GABRA5: variants seen among roughly 807,000 people sequenced by gnomAD.
The protein encoded by GABRA5 is gamma-aminobutyric acid type A receptor subunit alpha5.
GABRA5 carries 18 observed loss-of-function variants against 47.3 expected under a neutral mutation model. The observed-to-expected ratio is 0.38, with a 90% CI of 0.26 to 0.56. GABRA5 has a LOEUF of 0.56. Among genes scored for constraint, GABRA5 ranks in the 20% least tolerant of loss-of-function variants. GABRA5 has a pLI of 0.71. For synonymous variants in GABRA5, 237 were observed against 229.3 expected (o/e 1.03, Z -0.30); for missense variants, 365 against 599.3 (o/e 0.61, Z 4.08).
At chr15:26,891,256 A>C (rs978857478) in intron 6 of GABRA5, among the ~76,000 whole-genome samples, 1 of 152,236 alleles carries the variant, frequency 6.6e-6, no homozygotes, top group Non-Finnish European at 1.5e-5. Context: ...CAAAGGCTGC[A>C]GACATCCTCG....
At chr15:26,931,369 C>A (rs537743357) in intron 7 of GABRA5, among the ~76,000 whole-genome samples, 1 of 152,222 alleles carries the variant, frequency 6.6e-6, no homozygotes, top group South Asian at 2.1e-4. Context: ...TCACAGACGG[C>A]CATGTTCTCA....
Position 26,867,375 on chromosome 15 carries a change from G to C in GABRA5, c.-140+264G>C, listed in dbSNP as rs8041106. On this transcript the variant is annotated intron_variant, in intron 1 of 10. Coordinates refer to ENST00000335625, the MANE Select transcript of GABRA5 (RefSeq NM_000810.4). The surrounding 1 kb of genome is among the most constrained non-coding windows in gnomAD (Gnocchi z 5.9). ...CACCGACGGCTCGCCTCCCGGGGCC[G>C]GCGCGCAGGGTGAGCCCTGGGCGCG... 0.31 allele frequency: 47,000 copies of C among 151,500 alleles called. 8,899 individuals are homozygous for C. Among genetic ancestry groups the C allele is most frequent in the African/African-American group, 0.53 (21,897 of 41,372 alleles). 9.4% of individuals were successfully genotyped at this position (151,500 alleles called of 1,614,324 possible). A position where few individuals can be genotyped will look rare whatever the true frequency, so the allele number is the denominator to read the frequency against.
chr15:26,893,015 T>C (rs1749311056), intron 6 of GABRA5, among the ~76,000 whole-genome samples: 1 of 149,330 alleles, frequency 6.7e-6, no homozygotes, highest in African/African-American at 2.5e-5. Context: ...GTGTGTTGTG[T>C]TTATGGTGCG....
At chr15:26,888,989 C>T (rs1233951585) in intron 6 of GABRA5, among the ~76,000 whole-genome samples, 3 of 152,214 alleles carry the variant, frequency 2.0e-5, no homozygotes. Context: ...AGGTCACTTG[C>T]CCGTGCCTGT....
intron 7 of GABRA5, among the ~76,000 whole-genome samples, chr15:26,927,380 G>C (rs1482178443): frequency 6.6e-6 from 1 of 151,832 alleles, no homozygotes; most frequent in East Asian, 1.9e-4. Flanking sequence ...TCAAAGTGCT[G>C]GGATTACATG....
rs1243339334 is a variant in GABRA5, at chr15:26,867,376, G to T, written c.-140+265G>T. On this transcript the variant is annotated intron_variant, in intron 1 of 10. Transcript: ENST00000335625. This position sits in a 1 kb window ranked among gnomAD's most constrained non-coding sequence, Gnocchi z 5.9. ...ACCGACGGCTCGCCTCCCGGGGCCG[G>T]CGCGCAGGGTGAGCCCTGGGCGCGC... 3 of 151,702 alleles carry T rather than the reference G, an allele frequency of 2.0e-5. No homozygotes were observed. Among genetic ancestry groups the T allele is most frequent in the African/African-American group, 7.3e-5 (3 of 41,344 alleles). 9.4% of individuals were successfully genotyped at this position (151,702 alleles called of 1,614,324 possible).
intron 10 of GABRA5, among the ~76,000 whole-genome samples, chr15:26,945,307 C>G (rs943519134): frequency 6.6e-6 from 1 of 152,156 alleles, no homozygotes; most frequent in Non-Finnish European, 1.5e-5. Context: ...TCAGCCTACT[C>G]GAGTAAACTG....
intron 10 of GABRA5, 49 bp downstream of exon 10, chr15:26,943,475 G>C: frequency 6.8e-7 from 1 of 1,481,000 alleles, no homozygotes; most frequent in South Asian, 1.2e-5. Flanking sequence ...GACAGAGAAA[G>C]TGTGCCTGAT....
At chr15:26,889,445 T>G (rs1444452469) in intron 6 of GABRA5, among the ~76,000 whole-genome samples, 2 of 152,166 alleles carry the variant, frequency 1.3e-5, no homozygotes, top group Admixed American at 1.3e-4. Flanking sequence ...GCAGTCTGTT[T>G]CGTTCTTATT....
intron 7 of GABRA5, among the ~76,000 whole-genome samples, chr15:26,922,479 T>C (rs1595424741): frequency 1.3e-5 from 2 of 152,200 alleles, no homozygotes; most frequent in South Asian, 4.1e-4. Flanking sequence ...AGTGAGTTTC[T>C]TATAAATAGC....
chr15:26,944,461 G>C (rs980248850), intron 10 of GABRA5, among the ~76,000 whole-genome samples: 9 of 152,302 alleles, frequency 5.9e-5, no homozygotes, highest in South Asian at 2.1e-4. Flanking sequence ...GGAAGGCCTG[G>C]CAGGACCCAT....
At chr15:26,893,588 C>T (rs1482742891) in intron 6 of GABRA5, among the ~76,000 whole-genome samples, 1 of 152,038 alleles carries the variant, frequency 6.6e-6, no homozygotes, top group Non-Finnish European at 1.5e-5. Flanking sequence ...CTTCCTCTGC[C>T]TCGTGTCCTT....
chr15:26,881,906 G>C (rs1222526049), intron 4 of GABRA5, among the ~76,000 whole-genome samples: 1 of 152,082 alleles, frequency 6.6e-6, no homozygotes, highest in Non-Finnish European at 1.5e-5. Context: ...CACCATGTTG[G>C]CCAGGCTGGT....
In GABRA5 at chr15:26,924,382, A is replaced by G. The variant is rs1353244192; in HGVS notation, c.580+9497A>G. On this transcript the variant is annotated intron_variant, in intron 7 of 10. Coordinates refer to ENST00000335625, the MANE Select transcript of GABRA5 (RefSeq NM_000810.4). ...GCTGAGGTGATTTGTCACTTTCCACATAGCTTTCACTGACACCATATGCAT... is the reference window on the plus strand; with the variant it reads ...GCTGAGGTGATTTGTCACTTTCCACGTAGCTTTCACTGACACCATATGCAT... Among the ~76,000 whole-genome samples, 12 of 152,214 alleles carry G rather than the reference A, an allele frequency of 7.9e-5. No homozygotes were observed. In the South Asian group the frequency reaches 2.1e-3, roughly 26 times the overall value.
intron 4 of GABRA5, 145 bp downstream of exon 4, chr15:26,881,112 C>T (rs912637789): frequency 5.1e-6 from 4 of 786,214 alleles, no homozygotes; most frequent in Non-Finnish European, 7.6e-6. Context: ...CCACTCTTGC[C>T]AAGAATCATG....
At chr15:26,936,177 G>A (rs1436617341) in intron 7 of GABRA5, among the ~76,000 whole-genome samples, 1 of 152,124 alleles carries the variant, frequency 6.6e-6, no homozygotes, top group African/African-American at 2.4e-5. Flanking sequence ...GTTTCCTGAG[G>A]CCTCCCCAGC....
At chr15:26,873,961 C>A (rs563920968) in intron 3 of GABRA5, among the ~76,000 whole-genome samples, 3 of 152,276 alleles carry the variant, frequency 2.0e-5, no homozygotes, top group East Asian at 1.9e-4. Flanking sequence ...GTAAATAATT[C>A]TCAGTTATCT....
At chr15:26,922,386 T>G (rs575157287) in intron 7 of GABRA5, among the ~76,000 whole-genome samples, 4 of 152,196 alleles carry the variant, frequency 2.6e-5, no homozygotes, top group Admixed American at 6.5e-5. Context: ...ATGTGGCCAG[T>G]CTTGCTTTCT....
intron 7 of GABRA5, among the ~76,000 whole-genome samples, chr15:26,929,469 C>T (rs1428777304): frequency 6.6e-6 from 1 of 152,210 alleles, no homozygotes; most frequent in Non-Finnish European, 1.5e-5. Context: ...CAGCTGTGTC[C>T]CAGCAGTTTT....
Sources: allele counts gnomAD v4.1 joint callset (sites outside exome capture counted in the v4.1 genomes callset), GRCh38; gene constraint gnomAD v4.1.1; non-coding constraint Gnocchi (gnomAD v3.1); transcripts MANE v1.5; gene names NCBI Gene and HGNC (gene_info 2026-07-23, HGNC 2026-07-21).